USP1: variants seen among roughly 807,000 people sequenced by gnomAD.
The protein encoded by USP1 is ubiquitin specific peptidase 1, also known as ubiquitin carboxyl-terminal hydrolase 1.
In USP1, 18 loss-of-function variants were observed where a neutral mutation model predicts 72.2. That is an observed-to-expected ratio of 0.25 (90% CI 0.17 to 0.37). The LOEUF (loss-of-function observed/expected upper bound fraction) is 0.37. USP1 is among the 10% of genes least tolerant of loss of function. The pLI is 1.00. For synonymous variants in USP1, 354 were observed against 303.7 expected (o/e 1.17, Z -1.72); for missense variants, 759 against 884.9 (o/e 0.86, Z 1.81).
In USP1 at chr1:62,450,763, A is replaced by G; in HGVS notation, c.2140A>G (p.Arg714Gly). The G allele has an allele frequency of 1.2e-6, 2 of 1,613,728 alleles. No individual in the cohort carries two copies. The highest frequency in any genetic ancestry group is 1.7e-6 in the Non-Finnish European group (2 of 1,179,902). ...SDTTGTHESD[R>G]NKESSDQTGI... is the part of the protein sequence containing the mutation. ...TACTACTGGGACCCATGAATCTGATAGAAACAAGGAATCCAGTGACCAAAC... is the reference window on the plus strand; with the variant it reads ...TACTACTGGGACCCATGAATCTGATGGAAACAAGGAATCCAGTGACCAAAC... The change falls in exon 9 of 9, where the codon AGA becomes GGA. Residue 714 changes from arginine (R) to glycine (G), a missense_variant. Around this residue, in one of 9 missense-constraint regions of USP1, gnomAD observed 159 missense variants for 140.9 expected, o/e 1.13. Coordinates refer to ENST00000339950, the MANE Select transcript of USP1 (RefSeq NM_003368.5).
intron 6 of USP1, among the ~76,000 whole-genome samples, chr1:62,445,748 G>A (rs534391874): frequency 6.6e-6 from 1 of 152,262 alleles, no homozygotes; most frequent in South Asian, 2.1e-4. Context: ...GGAGGCCTAG[G>A]CGGGCAGATC....
At chr1:62,439,610 C>G (rs1333725888) in intron 1 of USP1, among the ~76,000 whole-genome samples, 189 bp from the exon 2 acceptor site, 1 of 152,102 alleles carries the variant, frequency 6.6e-6, no homozygotes, top group Non-Finnish European at 1.5e-5. Context: ...GTTTTTTGTT[C>G]TTTAAGAACA....
intron 1 of USP1, among the ~76,000 whole-genome samples, chr1:62,439,444 A>G (rs890965154): frequency 6.6e-6 from 1 of 152,184 alleles, no homozygotes; most frequent in African/African-American, 2.4e-5. Flanking sequence ...CGGCCTCCCA[A>G]AGTGCTGGGA....
intron 2 of USP1, 103 bp from the exon 3 acceptor site, chr1:62,441,385 C>T: frequency 7.7e-7 from 1 of 1,306,296 alleles, no homozygotes. Context: ...ACATACTTTT[C>T]AGATTATACA....
In USP1 at chr1:62,441,571, A is replaced by G; in HGVS notation, c.254A>G (p.Asn85Ser). Residue 85 changes from asparagine (N) to serine (S), a missense_variant, in exon 3 of 9, where the codon AAT becomes AGT. Around this residue, in one of 9 missense-constraint regions of USP1, gnomAD observed 13 missense variants for 35.5 expected, o/e 0.37. Transcript: ENST00000339950. ...TTGTTACCATTTGTGGGACTGAATA[A>G]TCTCGGCAATACTTGCTATCTTAAT... is the stretch of plus-strand genomic sequence containing the variant. ...ENLLPFVGLN[N>S]LGNTCYLNSI... is the part of the protein sequence containing the mutation. 1 of 1,613,608 alleles carries G rather than the reference A, an allele frequency of 6.2e-7. No individual in the cohort carries two copies. The highest frequency in any genetic ancestry group is 8.5e-7 in the Non-Finnish European group (1 of 1,179,796).
intron 8 of USP1, among the ~76,000 whole-genome samples, chr1:62,449,222 G>C (rs1645196964): frequency 6.6e-6 from 1 of 152,082 alleles, no homozygotes; most frequent in South Asian, 2.1e-4. Context: ...TTCCCTCTTA[G>C]ATGTTAGTAG....
rs1049209887 is a variant in USP1 at position 62,451,575 on chromosome 1, G to C, written c.*594G>C. On this transcript the variant is annotated 3_prime_UTR_variant, in exon 9 of 9. Coordinates refer to ENST00000339950, the MANE Select transcript of USP1 (RefSeq NM_003368.5). The stretch of plus-strand genomic sequence containing the variant: ...GAATTTTATATGTATTTATGAAGAT[G>C]ATTCTGTACCCTAGTATATCTTTTT... 6.5e-6 allele frequency: 1 copy of C among 152,716 alleles called. No individual in the cohort carries two copies. The highest frequency in any genetic ancestry group is 2.4e-5 in the African/African-American group (1 of 41,436). The allele number at this position is 152,716 out of a possible 1,614,324, so 9.5% of individuals were successfully genotyped here.
chr1:62,437,010 C>T (rs1279683982), upstream of USP1: 2 of 397,730 alleles, frequency 5.0e-6, no homozygotes, highest in Non-Finnish European at 8.9e-6. Flanking sequence ...GCAGCGCTGG[C>T]GCGGGCGGAG....
Position 62,443,142 on chromosome 1 carries a change from T to TG in USP1, c.397-16dup. On this transcript the variant is annotated splice_polypyrimidine_tract_variant and intron_variant, in intron 4 of 8. Coordinates refer to ENST00000339950, the MANE Select transcript of USP1 (RefSeq NM_003368.5). Reference sequence around the variant, plus strand: ...TTGTTCATAAAATTATTGGTTTGTGTGTTTCTTTCTTGACAGGGAAATTGC... The same window carrying TG: ...TTGTTCATAAAATTATTGGTTTGTGTGGTTTCTTTCTTGACAGGGAAATTGC... 2 of 1,604,940 alleles carry TG rather than the reference T, an allele frequency of 1.2e-6. No homozygotes were observed. The highest frequency in any genetic ancestry group is 1.7e-6 in the Non-Finnish European group (2 of 1,176,706).
rs376594797 is a variant in USP1, at chr1:62,448,626, A to G, written c.1582A>G (p.Ile528Val). 5.6e-6 allele frequency: 9 copies of G among 1,613,426 alleles called. No individual in the cohort carries two copies. The highest frequency in any genetic ancestry group is 2.2e-5 in the East Asian group (1 of 44,816). ...TTTGTTTGACAAAATGCCTGAAGTT[A>G]TAACTATTCATTTGAAGTGCTTTGC... ...SLLFDKMPEVITIHLKCFAAS... is the reference protein window; with the variant it reads ...SLLFDKMPEVVTIHLKCFAAS... The change falls in exon 8 of 9, where the codon ATA (isoleucine) becomes GTA (valine). Residue 528 changes from isoleucine to valine, a missense_variant. Physicochemically the swap from Ile to Val is conservative, Grantham distance 29 (BLOSUM62 3). Transcript: ENST00000339950.
chr1:62,439,027 C>T (rs1645113436), intron 1 of USP1, among the ~76,000 whole-genome samples: 1 of 152,106 alleles, frequency 6.6e-6, no homozygotes, highest in African/African-American at 2.4e-5. Context: ...ACTTTATTTT[C>T]ATATATCCAT....
chr1:62,437,362 G>A lies in USP1; in HGVS notation c.-108G>A. 2.5e-6 allele frequency: 1 copy of A among 393,784 alleles called. No homozygotes were observed. Among genetic ancestry groups the A allele is most frequent in the Non-Finnish European group, 4.5e-6 (1 of 223,424 alleles). 24.4% of individuals were successfully genotyped at this position (393,784 alleles called of 1,614,324 possible). A position where few individuals can be genotyped will look rare whatever the true frequency, so the allele number is the denominator to read the frequency against. ...CACACTCATTCGGGTTGGACTTGCC[G>A]GCGTCACCGCCGCGGACTTCGCTTT... On this transcript the variant is annotated 5_prime_UTR_variant, in exon 1 of 9. Transcript: ENST00000339950.
At chr1:62,438,719 T>C (rs1645110147) in intron 1 of USP1, among the ~76,000 whole-genome samples, 1 of 152,174 alleles carries the variant, frequency 6.6e-6, no homozygotes, top group African/African-American at 2.4e-5. Flanking sequence ...CCATTTTTTT[T>C]CACGTGCAAG....
intron 6 of USP1, among the ~76,000 whole-genome samples, chr1:62,446,127 CAT>C (rs1019464958): frequency 4.6e-5 from 7 of 151,994 alleles, no homozygotes; most frequent in African/African-American, 9.7e-5. Context: ...TAAGTACAGT[CAT>C]GTGTTGCTTA....
chr1:62,448,318 A>G (rs760932527), intron 7 of USP1, 147 bp from the exon 8 acceptor site: 35 of 747,940 alleles, frequency 4.7e-5, no homozygotes, highest in Non-Finnish European at 6.7e-5. Flanking sequence ...CACTTATGAA[A>G]GTAGTTTCTG....
intron 1 of USP1, among the ~76,000 whole-genome samples, chr1:62,439,358 T>A (rs929635770): frequency 3.9e-5 from 6 of 152,294 alleles, no homozygotes; most frequent in Non-Finnish European, 5.9e-5. Flanking sequence ...CTAATTTTTG[T>A]ATTTTTAGTA....
In USP1 at chr1:62,448,580, T is replaced by C; in HGVS notation, c.1536T>C (p.Tyr512=). The part of the protein sequence containing the change: ...DKYFCENCHH[Y]TEAERSLLFD... ...ATTTCTGTGAAAACTGCCATCATTA[T>C]ACTGAAGCTGAACGAAGTCTTTTGT... The change falls in exon 8 of 9, where the codon TAT becomes TAC. Residue 512 remains tyrosine, a synonymous_variant. Coordinates refer to ENST00000339950, the MANE Select transcript of USP1 (RefSeq NM_003368.5). 6.2e-7 allele frequency: 1 copy of C among 1,613,976 alleles called. No individual in the cohort carries two copies. The highest frequency in any genetic ancestry group is 8.5e-7 in the Non-Finnish European group (1 of 1,179,944).
Position 62,447,495 on chromosome 1 carries a change from AGAG to A in USP1, c.1408_1410del (p.Glu470del). The A allele has an allele frequency of 6.2e-7, 1 of 1,613,084 alleles. No homozygotes were observed. Among genetic ancestry groups the A allele is most frequent in the East Asian group, 2.2e-5 (1 of 44,826 alleles). ...TACAAGAAGATGAGCTTTCCAAAGT[AGAG>A]GAGAGTTCTGAAAGTAAGCAAAATT... On this transcript the variant is annotated inframe_deletion, in exon 7 of 9. Coordinates refer to ENST00000339950, the MANE Select transcript of USP1 (RefSeq NM_003368.5).
In USP1 at chr1:62,443,274, C is replaced by T. The variant is rs1645145960; in HGVS notation, c.512C>T (p.Thr171Ile). ...ASFLLNPEKY[T>I]DELATQPRRL... ...TTTCTCTTAAATCCAGAGAAATATA[C>T]TGATGAACTTGCCACTCAGCCAAGG... The change falls in exon 5 of 9, where the codon ACT (threonine) becomes ATT (isoleucine). Residue 171 changes from threonine (T) to isoleucine (I), a missense_variant. Thr to Ile is a moderately conservative substitution (Grantham distance 89). Coordinates refer to ENST00000339950, the MANE Select transcript of USP1 (RefSeq NM_003368.5). 6 of 1,613,784 alleles carry T rather than the reference C, an allele frequency of 3.7e-6. No individual in the cohort carries two copies. Among genetic ancestry groups the T allele is most frequent in the Non-Finnish European group, 5.1e-6 (6 of 1,179,916 alleles).
Sources: allele counts gnomAD v4.1 joint callset (sites outside exome capture counted in the v4.1 genomes callset), GRCh38; gene constraint gnomAD v4.1.1; regional missense constraint gnomAD v4.1.1; transcripts MANE v1.5; gene names NCBI Gene and HGNC (gene_info 2026-07-23, HGNC 2026-07-21).